LINGO2: variants seen among roughly 807,000 people sequenced by gnomAD.
The protein encoded by LINGO2 is leucine rich repeat and Ig domain containing 2, also known as leucine-rich repeat and immunoglobulin-like domain-containing nogo receptor-interacting protein 2.
LINGO2 carries 14 observed loss-of-function variants against 30.6 expected under a neutral mutation model. The observed-to-expected ratio is 0.46, with a 90% CI of 0.30 to 0.72. The LOEUF (loss-of-function observed/expected upper bound fraction) is 0.72, where lower values mean the gene tolerates loss of function less well. Among genes scored for constraint, LINGO2 ranks in the 30% least tolerant of loss-of-function variants. The probability of loss-of-function intolerance (pLI) is 0.07; values close to 1 mark genes in which losing one functional copy is unlikely to be tolerated. For missense variants in LINGO2, 729 were observed against 751.7 expected, an observed-to-expected ratio of 0.97 and a Z score of 0.35; for synonymous variants, 317 against 288.5, an observed-to-expected ratio of 1.10 and a Z score of -1.00.
intron 4 of LINGO2, among the ~76,000 whole-genome samples, chr9:28,045,064 A>G (rs975010353): frequency 2.6e-5 from 4 of 152,044 alleles, no homozygotes; most frequent in African/African-American, 7.3e-5. Flanking sequence ...GTGAACCAGT[A>G]GAAGTCAGGC....
intron 4 of LINGO2, among the ~76,000 whole-genome samples, chr9:28,195,658 T>C (rs1401600165): frequency 3.3e-5 from 5 of 151,526 alleles, no homozygotes; most frequent in Non-Finnish European, 7.4e-5. Context: ...AGATAAATTA[T>C]AGCCAGAAAA....
chr9:28,892,155 C>T, the LINGO2 span, among the ~76,000 whole-genome samples: 1 of 151,964 alleles, frequency 6.6e-6, no homozygotes, highest in South Asian at 2.1e-4. Flanking sequence ...AATTTTCACT[C>T]CATGCTAGAC....
intron 1 of LINGO2, among the ~76,000 whole-genome samples, chr9:28,606,283 T>C (rs1376341090): frequency 6.6e-6 from 1 of 152,014 alleles, no homozygotes; most frequent in Non-Finnish European, 1.5e-5. Flanking sequence ...ACTATAATAC[T>C]TTTAATGTCA....
chr9:28,011,808 G>A (rs1185098896), intron 5 of LINGO2, among the ~76,000 whole-genome samples: 1 of 152,172 alleles, frequency 6.6e-6, no homozygotes, highest in Non-Finnish European at 1.5e-5. Context: ...CAAGAGAAGT[G>A]GCCTGATGAG....
At chr9:27,966,325 A>G (rs1229826224) in intron 5 of LINGO2, among the ~76,000 whole-genome samples, 4 of 152,156 alleles carry the variant, frequency 2.6e-5, no homozygotes, top group Admixed American at 6.6e-5. Flanking sequence ...AGTTCCTCTA[A>G]AGATACAGTT....
At chr9:28,159,616 A>C (rs2167642) in intron 4 of LINGO2, among the ~76,000 whole-genome samples, 4 of 152,012 alleles carry the variant, frequency 2.6e-5, no homozygotes, top group African/African-American at 9.7e-5. Context: ...AATTTTCTTG[A>C]ATTTCATACT....
chr9:28,873,224 G>T, the LINGO2 span, among the ~76,000 whole-genome samples: 1 of 151,512 alleles, frequency 6.6e-6, no homozygotes, highest in Non-Finnish European at 1.5e-5. Context: ...CAAAAAATTA[G>T]TCAGGAGTGG....
chr9:28,983,066 A>T, the LINGO2 span, among the ~76,000 whole-genome samples: 137,393 of 151,816 alleles, frequency 0.9, 62,338 homozygotes, highest in Non-Finnish European at 0.93. Context: ...CAACAGTCAG[A>T]GGAAGCTGAA....
intron 4 of LINGO2, among the ~76,000 whole-genome samples, chr9:28,051,209 C>T (rs1036435887): frequency 2.6e-5 from 4 of 151,886 alleles, no homozygotes; most frequent in African/African-American, 9.7e-5. Flanking sequence ...ACAACACCAT[C>T]AGCTAGTATA....
chr9:28,642,268 T>C (rs1393610898), intron 1 of LINGO2, among the ~76,000 whole-genome samples: 2 of 152,070 alleles, frequency 1.3e-5, no homozygotes, highest in African/African-American at 2.4e-5. Context: ...TCAGTAAACA[T>C]ATTCTGCTAA....
At chr9:28,814,448 A>T in the LINGO2 span, among the ~76,000 whole-genome samples, 1 of 152,002 alleles carries the variant, frequency 6.6e-6, no homozygotes, top group African/African-American at 2.4e-5. Context: ...ACAAACGAAT[A>T]AAAAAAATAA....
chr9:28,992,788 C>A, the LINGO2 span, among the ~76,000 whole-genome samples: 1 of 151,966 alleles, frequency 6.6e-6, no homozygotes, highest in Non-Finnish European at 1.5e-5. Context: ...GAAATGAAGG[C>A]AGAAATAAAG....
chr9:29,105,963 C>T, the LINGO2 span, among the ~76,000 whole-genome samples: 1 of 152,176 alleles, frequency 6.6e-6, no homozygotes, highest in African/African-American at 2.4e-5. Context: ...CACATGAGGA[C>T]ACATACAAAC....
chr9:28,273,847 T>G (rs1175334030), intron 4 of LINGO2, among the ~76,000 whole-genome samples: 1 of 152,128 alleles, frequency 6.6e-6, no homozygotes, highest in Non-Finnish European at 1.5e-5. Flanking sequence ...GACATGTCAG[T>G]CTATCAAAGG....
chr9:28,196,894 A>G (rs1012675460), intron 4 of LINGO2, among the ~76,000 whole-genome samples: 1 of 151,982 alleles, frequency 6.6e-6, no homozygotes, highest in Non-Finnish European at 1.5e-5. Context: ...TCCAGAGGCC[A>G]GGATGGGAAG....
chr9:28,585,739 T>C (rs1279097967), intron 1 of LINGO2, among the ~76,000 whole-genome samples: 2 of 152,064 alleles, frequency 1.3e-5, no homozygotes, highest in African/African-American at 2.4e-5. Flanking sequence ...TTGAGAAGCA[T>C]TGATATTAAG....
chr9:28,100,873 T>G (rs1412235848), intron 4 of LINGO2, among the ~76,000 whole-genome samples: 1 of 152,112 alleles, frequency 6.6e-6, no homozygotes, highest in African/African-American at 2.4e-5. Context: ...TAAGTTCTGT[T>G]TTCATGTTTG....
At chr9:28,993,024 C>G in the LINGO2 span, among the ~76,000 whole-genome samples, 1 of 151,918 alleles carries the variant, frequency 6.6e-6, no homozygotes, top group Non-Finnish European at 1.5e-5. Flanking sequence ...CAGAGCAGAA[C>G]TGAAGGAAAT....
chr9:27,983,139 A>C (rs910358475), intron 5 of LINGO2, among the ~76,000 whole-genome samples: 2 of 151,908 alleles, frequency 1.3e-5, no homozygotes, highest in African/African-American at 4.8e-5. Flanking sequence ...GTCTCAGAGA[A>C]AATGAAATAA....
Sources: gnomAD v4.1 joint callset for allele counts (sites outside exome capture counted in the v4.1 genomes callset) on GRCh38, gnomAD v4.1.1 for gene constraint, MANE v1.5 for transcripts, NCBI Gene and HGNC (gene_info 2026-07-23, HGNC 2026-07-21) for gene names.